SRPX: variants seen among roughly 807,000 people sequenced by gnomAD.
SRPX encodes the protein sushi repeat containing protein X-linked, also known as sushi repeat-containing protein SRPX.
In SRPX, 24 loss-of-function variants were observed where a neutral mutation model predicts 38.1. The ratio of observed to expected loss-of-function variants is 0.63; its 90% confidence interval spans 0.46 to 0.89. The LOEUF is 0.89. SRPX is among the 40% of genes least tolerant of loss of function. The pLI is 0.00. For missense variants in SRPX, 416 were observed against 377.8 expected (o/e 1.10, Z -0.84); for synonymous variants, 184 against 153.8 (o/e 1.20, Z -1.45).
rs760443269 is a variant in SRPX at position 38,208,683 on chromosome X, T to A, written c.97+12013A>T. ...TTTCATAATGAGCATGTTTTACTTT[T>A]ATAATTTTATTTTAAAGAAAGGGAC... is the stretch of plus-strand genomic sequence containing the variant. On this transcript the variant is annotated intron_variant, in intron 1 of 9. Coordinates refer to ENST00000378533, the MANE Select transcript of SRPX (RefSeq NM_006307.5). Among the ~76,000 whole-genome samples the A allele has an allele frequency of 6.4e-5, 7 of 109,579 alleles. No homozygotes were observed. The South Asian group carries it at 2.8e-3, about 44-fold the overall frequency.
At chrX:38,215,844 T>C (rs5918504) in intron 1 of SRPX, among the ~76,000 whole-genome samples, 27,140 of 111,422 alleles carry the variant, frequency 0.24, 2,926 homozygotes, top group Middle Eastern at 0.42. Context: ...GGTACTGCTT[T>C]TTAAATGAAA....
Position 38,182,397 on chromosome X carries a change from C to T in SRPX, c.98-4053G>A, listed in dbSNP as rs548866300. ...GAGAACAAATATGCCAAGAGTGGGT[C>T]CCACAGAAGCAAAATGAAGAATCCA... On this transcript the variant is annotated intron_variant, in intron 1 of 9. Coordinates refer to ENST00000378533, the MANE Select transcript of SRPX (RefSeq NM_006307.5). 7.0e-4 allele frequency among the ~76,000 whole-genome samples: 78 copies of T among 111,636 alleles called. 1 individual carries two copies. The South Asian group carries it at 0.028, about 40-fold the overall frequency.
chrX:38,195,382 G>GTTTTTTTTTTTTTTTTTTTTTTTT (rs10710053), intron 1 of SRPX, among the ~76,000 whole-genome samples: 1 of 87,970 alleles, frequency 1.1e-5, no homozygotes, highest in Non-Finnish European at 2.2e-5. Context: ...GGTGTTTGTG[G>GTTTTTTTTTTTTTTTTTTTTTTTT]TTTTTTTTTT....
chrX:38,177,207 T>A (rs902634046), intron 2 of SRPX, among the ~76,000 whole-genome samples: 16 of 111,848 alleles, frequency 1.4e-4, no homozygotes, highest in African/African-American at 5.2e-4. Context: ...ACCCCAAGCA[T>A]CTGATTAACG....
At chrX:38,150,281 AT>A (rs1001324430) in intron 9 of SRPX, among the ~76,000 whole-genome samples, 1 of 112,072 alleles carries the variant, frequency 8.9e-6, no homozygotes, top group South Asian at 3.7e-4. Context: ...AGGCTAACAG[AT>A]TTTTTTTATT....
chrX:38,209,700 C>T (rs915298456), intron 1 of SRPX, among the ~76,000 whole-genome samples: 4 of 112,402 alleles, frequency 3.6e-5, no homozygotes, highest in Admixed American at 9.4e-5. Flanking sequence ...AAGGAAGTAA[C>T]GTGAAGAGGA....
intron 1 of SRPX, among the ~76,000 whole-genome samples, chrX:38,184,630 A>G (rs1938737594): frequency 9.0e-6 from 1 of 111,665 alleles, no homozygotes; most frequent in Non-Finnish European, 1.9e-5. Context: ...TTCTAGGGGA[A>G]AAAGATGTTA....
At chrX:38,198,345 G>C (rs995396641) in intron 1 of SRPX, among the ~76,000 whole-genome samples, 5 of 112,198 alleles carry the variant, frequency 4.5e-5, no homozygotes, top group African/African-American at 1.3e-4. Context: ...GGAGGGAGAA[G>C]AGAGAAGCCT....
At chrX:38,211,862 G>A (rs1601874549) in intron 1 of SRPX, among the ~76,000 whole-genome samples, 3 of 111,180 alleles carry the variant, frequency 2.7e-5, no homozygotes, top group African/African-American at 9.8e-5. Flanking sequence ...TTAATGTGAG[G>A]GGCTGTGTGT....
At chrX:38,182,116 A>G (rs913343820) in intron 1 of SRPX, among the ~76,000 whole-genome samples, 1 of 112,282 alleles carries the variant, frequency 8.9e-6, no homozygotes, top group South Asian at 3.7e-4. Flanking sequence ...TTAAATCTAT[A>G]CAATAACACT....
intron 1 of SRPX, among the ~76,000 whole-genome samples, chrX:38,206,004 G>T (rs1483658430): frequency 8.9e-6 from 1 of 112,214 alleles, no homozygotes; most frequent in African/African-American, 3.2e-5. Context: ...CCCAAATATG[G>T]GCCTGCCTTG....
intron 1 of SRPX, among the ~76,000 whole-genome samples, chrX:38,182,905 T>C (rs1487606202): frequency 8.9e-6 from 1 of 111,880 alleles, no homozygotes; most frequent in Non-Finnish European, 1.9e-5. Flanking sequence ...ACATCAACCT[T>C]ATACATCTTA....
At chrX:38,195,918 C>T (rs1438568510) in intron 1 of SRPX, among the ~76,000 whole-genome samples, 2 of 111,828 alleles carry the variant, frequency 1.8e-5, no homozygotes, top group Non-Finnish European at 3.8e-5. Context: ...AAGGAAACTA[C>T]ATCCCAGGGC....
intron 1 of SRPX, among the ~76,000 whole-genome samples, chrX:38,215,391 G>C (rs986114856): frequency 3.6e-5 from 4 of 111,552 alleles, no homozygotes; most frequent in African/African-American, 9.8e-5. Context: ...TGGAAAACTT[G>C]GGAGCTTAGC....
intron 1 of SRPX, among the ~76,000 whole-genome samples, chrX:38,184,848 A>G (rs1275802155): frequency 2.7e-5 from 3 of 112,172 alleles, no homozygotes; most frequent in Admixed American, 9.4e-5. Flanking sequence ...GTGCTGTCCA[A>G]TGCAACTTTC....
intron 1 of SRPX, among the ~76,000 whole-genome samples, chrX:38,204,286 A>C (rs1939172543): frequency 8.9e-6 from 1 of 112,335 alleles, no homozygotes. Context: ...TGGAAAGAAG[A>C]ATAAAGTTAG....
At chrX:38,208,428 C>G (rs1601872696) in intron 1 of SRPX, among the ~76,000 whole-genome samples, 1 of 112,052 alleles carries the variant, frequency 8.9e-6, no homozygotes. Flanking sequence ...CATATGTACT[C>G]TTTTGTGTCT....
At chrX:38,201,705 GCTA>G (rs972238492) in intron 1 of SRPX, among the ~76,000 whole-genome samples, 1 of 110,617 alleles carries the variant, frequency 9.0e-6, no homozygotes, top group Non-Finnish European at 1.9e-5. Context: ...TATAGTCCCA[GCTA>G]CTCGGGAGGC....
rs1198273279 is a variant in SRPX, at chrX:38,206,546, C to T, written c.97+14150G>A. Among the ~76,000 whole-genome samples, 3 of 111,903 alleles carry T rather than the reference C, an allele frequency of 2.7e-5. No individual in the cohort carries two copies. The Admixed American group carries it at 2.8e-4, about 11-fold the overall frequency. On this transcript the variant is annotated intron_variant, in intron 1 of 9. Coordinates refer to ENST00000378533, the MANE Select transcript of SRPX (RefSeq NM_006307.5). ...TTCAGCAGGAGTCAATTCAGCAGTA[C>T]AAAGAACTCTGGACCAGAAACCAAA...
Sources: allele counts gnomAD v4.1 joint callset (sites outside exome capture counted in the v4.1 genomes callset), GRCh38; gene constraint gnomAD v4.1.1; transcripts MANE v1.5; gene names NCBI Gene and HGNC (gene_info 2026-07-23, HGNC 2026-07-21).